Variants in BACH2 observed in about 807,000 individuals in gnomAD.
BACH2 encodes BACH transcriptional regulator 2.
Under a neutral mutation model 61.8 loss-of-function variants are expected in BACH2, and 5 were observed. The ratio of observed to expected loss-of-function variants is 0.08; its 90% confidence interval spans 0.04 to 0.17. BACH2 has a LOEUF of 0.17. Ranked by LOEUF, BACH2 falls within the 10% of genes least tolerant of loss-of-function variation. BACH2 has a pLI of 1.00. For missense variants in BACH2, 824 were observed against 1,091.1 expected (o/e 0.76, Z 3.45); for synonymous variants, 446 against 440.1 (o/e 1.01, Z -0.17).
At chr6:90,062,445 G>T (rs6923165) in intron 5 of BACH2, among the ~76,000 whole-genome samples, 4 of 151,684 alleles carry the variant, frequency 2.6e-5, no homozygotes, top group Admixed American at 2.0e-4. Flanking sequence ...GTTTGGTCTC[G>T]TATCCACTTT....
At chr6:89,942,239 G>A (rs907424018) in intron 7 of BACH2, among the ~76,000 whole-genome samples, 1 of 152,180 alleles carries the variant, frequency 6.6e-6, no homozygotes, top group African/African-American at 2.4e-5. Context: ...TGTTTCTTGA[G>A]TAATAAGTTC....
intron 4 of BACH2, among the ~76,000 whole-genome samples, chr6:90,183,988 A>G (rs1052861222): frequency 2.5e-4 from 38 of 152,200 alleles, no homozygotes; most frequent in African/African-American, 8.9e-4. Flanking sequence ...CTCAGTGTCT[A>G]TGTTAGACAG....
At chr6:90,203,691 G>A (rs984992594) in intron 4 of BACH2, among the ~76,000 whole-genome samples, 2 of 152,158 alleles carry the variant, frequency 1.3e-5, no homozygotes, top group African/African-American at 2.4e-5. Context: ...GTAAACCCAT[G>A]AGTTTGTTAT....
intron 5 of BACH2, among the ~76,000 whole-genome samples, chr6:90,057,522 C>T (rs1053945203): frequency 6.6e-6 from 1 of 152,190 alleles, no homozygotes; most frequent in African/African-American, 2.4e-5. Context: ...CAGGTGGATT[C>T]ACAGCCGAAT....
At chr6:90,147,973 T>G (rs1784680946) in intron 4 of BACH2, among the ~76,000 whole-genome samples, 1 of 152,234 alleles carries the variant, frequency 6.6e-6, no homozygotes, top group African/African-American at 2.4e-5. Context: ...TAGAAAATCT[T>G]GTTGCAAAAT....
At chr6:90,260,301 T>C (rs1316393041) in intron 2 of BACH2, among the ~76,000 whole-genome samples, 1 of 152,230 alleles carries the variant, frequency 6.6e-6, no homozygotes, top group African/African-American at 2.4e-5. Flanking sequence ...AATTTCTTCT[T>C]TGACCCATTG....
At chr6:90,246,157 C>G (rs1056530908) in intron 3 of BACH2, among the ~76,000 whole-genome samples, 12 of 152,198 alleles carry the variant, frequency 7.9e-5, no homozygotes, top group African/African-American at 2.9e-4. Flanking sequence ...AACCTAAATG[C>G]ACATAAACTC....
At chr6:90,090,417 C>T (rs1308037419) in intron 4 of BACH2, among the ~76,000 whole-genome samples, 1 of 152,056 alleles carries the variant, frequency 6.6e-6, no homozygotes, top group Non-Finnish European at 1.5e-5. Context: ...AGAAAGATTG[C>T]ACCAATTTAT....
chr6:90,170,519 G>A (rs1767776923), intron 4 of BACH2, among the ~76,000 whole-genome samples: 1 of 152,166 alleles, frequency 6.6e-6, no homozygotes, highest in Non-Finnish European at 1.5e-5. Context: ...GTAAATGAGT[G>A]ACTGATTCTT....
intron 5 of BACH2, among the ~76,000 whole-genome samples, chr6:90,072,727 C>T (rs753181631): frequency 6.6e-6 from 1 of 152,146 alleles, no homozygotes; most frequent in Non-Finnish European, 1.5e-5. Flanking sequence ...TTTCACAAAT[C>T]CATTCTATCA....
chr6:90,099,882 C>A (rs1165602765), intron 4 of BACH2, among the ~76,000 whole-genome samples: 2 of 152,132 alleles, frequency 1.3e-5, no homozygotes, highest in Non-Finnish European at 2.9e-5. Context: ...AATATCAGAA[C>A]ATTTCCATCA....
intron 4 of BACH2, among the ~76,000 whole-genome samples, chr6:90,151,689 G>A (rs1470861229): frequency 1.3e-5 from 2 of 152,174 alleles, no homozygotes; most frequent in Non-Finnish European, 2.9e-5. Flanking sequence ...TTTTTCTCTG[G>A]TTGACTACCA....
At chr6:90,017,752 A>G (rs1778147326) in intron 5 of BACH2, among the ~76,000 whole-genome samples, 1 of 152,164 alleles carries the variant, frequency 6.6e-6, no homozygotes, top group Non-Finnish European at 1.5e-5. Flanking sequence ...TAACTACTGC[A>G]ATGTCCTTGT....
At chr6:90,133,361 T>C (rs909341354) in intron 4 of BACH2, among the ~76,000 whole-genome samples, 2 of 152,186 alleles carry the variant, frequency 1.3e-5, no homozygotes, top group Admixed American at 6.5e-5. Context: ...AAACCCAGAA[T>C]TGAGTACATC....
intron 7 of BACH2, among the ~76,000 whole-genome samples, chr6:89,947,833 A>C (rs936140580): frequency 6.6e-6 from 1 of 152,098 alleles, no homozygotes; most frequent in Non-Finnish European, 1.5e-5. Flanking sequence ...GGCCTCCCAA[A>C]GTGCTGGCAT....
chr6:90,187,078 T>C (rs1768384841), intron 4 of BACH2, among the ~76,000 whole-genome samples: 1 of 152,206 alleles, frequency 6.6e-6, no homozygotes, highest in Non-Finnish European at 1.5e-5. Flanking sequence ...AAATTAGAAA[T>C]TCTGCCAACA....
chr6:90,146,906 CA>C (rs1170525068), intron 4 of BACH2, among the ~76,000 whole-genome samples: 2 of 152,094 alleles, frequency 1.3e-5, no homozygotes, highest in Admixed American at 6.5e-5. Flanking sequence ...GAGCCAATGA[CA>C]GTGAAGAAAT....
At chr6:90,264,114 A>AAAT (rs1422675822) in intron 2 of BACH2, among the ~76,000 whole-genome samples, 2 of 152,084 alleles carry the variant, frequency 1.3e-5, no homozygotes, top group Non-Finnish European at 2.9e-5. Flanking sequence ...AGTTCTAATT[A>AAAT]CCTCCCTATA....
At chr6:89,981,281 G>A (rs1214044132) in intron 6 of BACH2, among the ~76,000 whole-genome samples, 2 of 151,650 alleles carry the variant, frequency 1.3e-5, no homozygotes, top group Non-Finnish European at 2.9e-5. Context: ...ACAGGTGCCC[G>A]CCACCATGCC....
Sources: allele counts gnomAD v4.1 joint callset (sites outside exome capture counted in the v4.1 genomes callset), GRCh38; gene constraint gnomAD v4.1.1; transcripts MANE v1.5; gene names NCBI Gene and HGNC (gene_info 2026-07-23, HGNC 2026-07-21).